Variants in PPWD1 observed in about 807,000 individuals in gnomAD.
The protein encoded by PPWD1 is peptidylprolyl isomerase domain and WD repeat containing 1.
In PPWD1, 43 loss-of-function variants were observed where a neutral mutation model predicts 68.8. The ratio of observed to expected loss-of-function variants is 0.62; its 90% confidence interval spans 0.49 to 0.81. The LOEUF is 0.81. Among genes scored for constraint, PPWD1 ranks in the 30% least tolerant of loss-of-function variants. The probability of loss-of-function intolerance (pLI) is 0.00; values close to 1 mark genes in which losing one functional copy is unlikely to be tolerated. For missense variants in PPWD1, 672 were observed against 804.8 expected (o/e 0.83, Z 2.00); for synonymous variants, 232 against 258.7 (o/e 0.90, Z 0.99).
At chr5:65,571,205 T>C (rs1174527849) in intron 4 of PPWD1, among the ~76,000 whole-genome samples, 5 of 152,160 alleles carry the variant, frequency 3.3e-5, no homozygotes, top group Non-Finnish European at 5.9e-5. Flanking sequence ...GTTAGAATAA[T>C]AGTGTCACTT....
At chr5:65,582,455 G>A (rs988928313) in intron 7 of PPWD1, 21 of 152,096 alleles carry the variant, frequency 1.4e-4, no homozygotes, top group African/African-American at 5.1e-4. Context: ...CTAGCATGGG[G>A]TCCTGCTCAT....
chr5:65,580,095 A>C (rs1454917516), intron 7 of PPWD1, among the ~76,000 whole-genome samples: 1 of 152,110 alleles, frequency 6.6e-6, no homozygotes, highest in Non-Finnish European at 1.5e-5. Context: ...CTTCTGGAGA[A>C]CTAAAAGTAC....
rs1484833528 is a variant in PPWD1, at chr5:65,569,680, G to GA, written c.355dup (p.Ile119AsnfsTer6). ...GTCATGATGGACATGTCAAGTTCTG[G>GA]AAAAAAATAGAAGAGGGAATTGAAT... On this transcript the variant is annotated frameshift_variant, in exon 3 of 11. Coordinates refer to ENST00000261308, the MANE Select transcript of PPWD1 (RefSeq NM_015342.4). LOFTEE classifies it high-confidence loss of function. 2 of 1,608,162 alleles carry GA rather than the reference G, an allele frequency of 1.2e-6. No homozygotes were observed. The highest frequency in any genetic ancestry group is 1.7e-5 in the Admixed American group (1 of 59,698).
At position 65,572,220 on chromosome 5, in the gene PPWD1, T is replaced by C. The variant is rs1299032645; in HGVS notation, c.903T>C (p.Asp301=). ...AGAAAATAGCTACTATTGGTTCTGA[T>C]AGAAAAGTTAGAATTTTCAGATTTG... ...DGKKIATIGS[D]RKVRIFRFVT... Residue 301 remains aspartate (D), a synonymous_variant, in exon 5 of 11, where the codon GAT becomes GAC. Transcript: ENST00000261308. 2.5e-6 allele frequency: 4 copies of C among 1,612,534 alleles called. No individual in the cohort carries two copies. In the Admixed American group the frequency reaches 5.0e-5, roughly 20 times the overall value.
intron 1 of PPWD1, among the ~76,000 whole-genome samples, chr5:65,564,364 G>T (rs1296329945): frequency 1.5e-5 from 2 of 130,272 alleles, no homozygotes; most frequent in Admixed American, 1.9e-4. Context: ...TCGCTCTGTC[G>T]CCCAGGCTGG....
rs755168030 is a variant in PPWD1, at chr5:65,563,771, T to C, written c.196+265T>C. The C allele has an allele frequency of 4.3e-5, 64 of 1,476,124 alleles. 1 individual carries two copies. Among genetic ancestry groups the C allele is most frequent in the Admixed American group, 2.0e-4 (10 of 50,898 alleles). 91.4% of individuals were successfully genotyped at this position (1,476,124 alleles called of 1,614,324 possible). Reference sequence around the variant, plus strand: ...TAAAACTAACATTTTCCTATTCTTATGTGTTTGGCTCCTCTCATTTACTCC... The same window carrying C: ...TAAAACTAACATTTTCCTATTCTTACGTGTTTGGCTCCTCTCATTTACTCC... On this transcript the variant is annotated intron_variant, in intron 1 of 10. Transcript: ENST00000261308.
At position 65,572,053 on chromosome 5, in the gene PPWD1, A is replaced by G. The variant is rs1753036980; in HGVS notation, c.736A>G (p.Met246Val). Reference protein sequence around the residue: ...KAVVSSDKSGMIEYWTGPPHE... With the variant: ...KAVVSSDKSGVIEYWTGPPHE... Reference sequence around the variant, plus strand: ...AGTAGTGTCTTCTGACAAATCTGGGATGATTGAATACTGGACTGGGCCTCC... The same window carrying G: ...AGTAGTGTCTTCTGACAAATCTGGGGTGATTGAATACTGGACTGGGCCTCC... Residue 246 changes from methionine to valine, a missense_variant, in exon 5 of 11, where the codon ATG becomes GTG. By Grantham distance (21) the Met-to-Val change is conservative (BLOSUM62 1). Transcript: ENST00000261308. 6.2e-7 allele frequency: 1 copy of G among 1,613,890 alleles called. No individual in the cohort carries two copies. The highest frequency in any genetic ancestry group is 1.3e-5 in the African/African-American group (1 of 74,930).
At chr5:65,564,595 C>A (rs895162285) in intron 1 of PPWD1, among the ~76,000 whole-genome samples, 2 of 152,150 alleles carry the variant, frequency 1.3e-5, no homozygotes, top group Admixed American at 1.3e-4. Flanking sequence ...GCTGGGATTA[C>A]AGGCATGAGC....
intron 6 of PPWD1, among the ~76,000 whole-genome samples, chr5:65,577,454 A>G (rs1357447943): frequency 6.6e-6 from 1 of 152,250 alleles, no homozygotes; most frequent in Non-Finnish European, 1.5e-5. Flanking sequence ...GTTAAAATGC[A>G]TGAAACCACA....
chr5:65,586,824 G>A (rs980098608), intron 10 of PPWD1, among the ~76,000 whole-genome samples: 1 of 152,078 alleles, frequency 6.6e-6, no homozygotes, highest in Non-Finnish European at 1.5e-5. Flanking sequence ...TTGCCAAAAG[G>A]TCAAGTAGCC....
chr5:65,570,272 T>C (rs1196087091), intron 4 of PPWD1: 1 of 905,132 alleles, frequency 1.1e-6, no homozygotes, highest in Non-Finnish European at 1.3e-6. Context: ...TTACTGGAGC[T>C]CTGTCATATC....
chr5:65,563,666 G>A, intron 1 of PPWD1, 160 bp downstream of exon 1: 1 of 1,345,496 alleles, frequency 7.4e-7, no homozygotes, highest in Non-Finnish European at 1.0e-6. Flanking sequence ...ATGTCTTAAC[G>A]AAATAGTGAT....
chr5:65,579,575 A>C lies in PPWD1; in HGVS notation c.1312A>C (p.Ile438Leu). 1 of 1,604,056 alleles carries C rather than the reference A, an allele frequency of 6.2e-7. No individual in the cohort carries two copies. The highest frequency in any genetic ancestry group is 8.5e-7 in the Non-Finnish European group (1 of 1,176,474). Residue 438 changes from isoleucine to leucine, a missense_variant, in exon 7 of 11, where the codon ATA (isoleucine) becomes CTA (leucine). By Grantham distance (5) the Ile-to-Leu change is conservative. This residue lies in a region of PPWD1 where 484 missense variants were observed against 646.2 expected (regional missense o/e 0.75). Coordinates refer to ENST00000261308, the MANE Select transcript of PPWD1 (RefSeq NM_015342.4). ...VLQNIQADPT[I>L]VCTSFKKNRF... Reference sequence around the variant, plus strand: ...TCAGAATATTCAAGCTGACCCAACAATAGTCTGTACATCATTCAAAAAGAA... The same window carrying C: ...TCAGAATATTCAAGCTGACCCAACACTAGTCTGTACATCATTCAAAAAGAA...
At position 65,585,091 on chromosome 5, in the gene PPWD1, TTAAGG is replaced by T. The variant is rs1408640382; in HGVS notation, c.1614+1_1614+5del. 1.9e-6 allele frequency: 3 copies of T among 1,607,126 alleles called. No homozygotes were observed. The highest frequency in any genetic ancestry group is 1.3e-5 in the African/African-American group (1 of 74,682). The stretch of plus-strand genomic sequence containing the variant: ...AATGGGCATACATTTCACCGTATAA[TTAAGG>T]TAAGTTACATAAATTTCATGTCATA... On this transcript the variant is annotated splice_donor_variant and coding_sequence_variant, in exon 9 of 11. Transcript: ENST00000261308. LOFTEE classifies it high-confidence loss of function.
intron 2 of PPWD1, 196 bp from the exon 3 acceptor site, chr5:65,569,436 T>G (rs1752917705): frequency 2.3e-6 from 1 of 427,652 alleles, no homozygotes; most frequent in Admixed American, 4.3e-5. Context: ...AGTACAGCTG[T>G]AACTGTTTTG....
intron 7 of PPWD1, among the ~76,000 whole-genome samples, chr5:65,580,111 A>C (rs1260304184): frequency 6.6e-6 from 1 of 151,944 alleles, no homozygotes; most frequent in Non-Finnish European, 1.5e-5. Context: ...AGTACTTTGC[A>C]TGTTAACTAA....
chr5:65,568,799 C>A, intron 2 of PPWD1: 3 of 317,764 alleles, frequency 9.4e-6, no homozygotes, highest in South Asian at 2.8e-5. Context: ...TAATTCTGAC[C>A]AAATATTAGC....
intron 8 of PPWD1, among the ~76,000 whole-genome samples, chr5:65,583,748 A>G (rs1175132770): frequency 6.6e-6 from 1 of 152,074 alleles, no homozygotes. Flanking sequence ...CAGCAGTTTG[A>G]GACTAGCCCG....
At chr5:65,567,008 T>C (rs991413807) in intron 1 of PPWD1, among the ~76,000 whole-genome samples, 10 of 152,132 alleles carry the variant, frequency 6.6e-5, no homozygotes, top group South Asian at 4.1e-4. Flanking sequence ...AATTTTACCA[T>C]GTTTAAATGT....
Sources: allele counts gnomAD v4.1 joint callset (sites outside exome capture counted in the v4.1 genomes callset), GRCh38; gene constraint gnomAD v4.1.1; regional missense constraint gnomAD v4.1.1; transcripts MANE v1.5; gene names NCBI Gene and HGNC (gene_info 2026-07-23, HGNC 2026-07-21).